Variants in SCAI observed in about 807,000 individuals in gnomAD.
SCAI encodes suppressor of cancer cell invasion, also known as protein SCAI.
Under a neutral mutation model 92.2 loss-of-function variants are expected in SCAI, and 24 were observed. That is an observed-to-expected ratio of 0.26 (90% CI 0.19 to 0.37). The LOEUF (loss-of-function observed/expected upper bound fraction) is 0.37. Ranked by LOEUF, SCAI falls within the 10% of genes least tolerant of loss-of-function variation. The pLI is 1.00. For synonymous variants in SCAI, 261 were observed against 258.6 expected, an observed-to-expected ratio of 1.01 and a Z score of -0.09; for missense variants, 450 against 736.2, an observed-to-expected ratio of 0.61 and a Z score of 4.50.
chr9:125,033,079 T>G (rs925239749), intron 3 of SCAI, among the ~76,000 whole-genome samples: 5 of 145,944 alleles, frequency 3.4e-5, no homozygotes, highest in African/African-American at 1.2e-4. Flanking sequence ...TGACACTGAA[T>G]AAAAGTAATA....
intron 3 of SCAI, among the ~76,000 whole-genome samples, chr9:125,046,198 T>G (rs867679210): frequency 1.2e-4 from 12 of 103,538 alleles, no homozygotes; most frequent in South Asian, 3.4e-4. Context: ...AATTGTGAGA[T>G]ATATATATAT....
intron 14 of SCAI, among the ~76,000 whole-genome samples, chr9:124,976,563 A>G (rs1831759604): frequency 6.6e-6 from 1 of 152,116 alleles, no homozygotes; most frequent in South Asian, 2.1e-4. Flanking sequence ...CAGCTCCAAA[A>G]CCTGATTCCT....
chr9:124,992,421 T>C (rs977038569), intron 14 of SCAI, among the ~76,000 whole-genome samples: 1 of 151,792 alleles, frequency 6.6e-6, no homozygotes, highest in African/African-American at 2.4e-5. Context: ...TCTCACTCTG[T>C]CACCCAGGCT....
chr9:125,134,480 T>A (rs1228346765), intron 2 of SCAI, among the ~76,000 whole-genome samples: 1 of 152,176 alleles, frequency 6.6e-6, no homozygotes, highest in African/African-American at 2.4e-5. Flanking sequence ...GCTTTAAATA[T>A]GTAACAACAA....
At chr9:124,968,774 T>C (rs1328958893) in intron 17 of SCAI, 37 of 937,240 alleles carry the variant, frequency 3.9e-5, no homozygotes, top group Non-Finnish European at 5.0e-5. Context: ...CATGGTGGGG[T>C]GCGCAGGCCA....
At chr9:125,102,864 C>T (rs1834706509) in intron 2 of SCAI, among the ~76,000 whole-genome samples, 1 of 152,128 alleles carries the variant, frequency 6.6e-6, no homozygotes, top group Non-Finnish European at 1.5e-5. Context: ...TCCCAAAGTG[C>T]TGGGATTACA....
chr9:124,972,244 A>T (rs564352513), intron 15 of SCAI, among the ~76,000 whole-genome samples: 1 of 152,212 alleles, frequency 6.6e-6, no homozygotes, highest in East Asian at 1.9e-4. Context: ...TCTCTTAAAT[A>T]TGAGTAGTTT....
At chr9:125,109,791 A>C (rs1362008675) in intron 2 of SCAI, among the ~76,000 whole-genome samples, 1 of 152,148 alleles carries the variant, frequency 6.6e-6, no homozygotes, top group Non-Finnish European at 1.5e-5. Context: ...GGTTCAAGCA[A>C]TTCTCTTGCC....
At chr9:125,087,744 CAA>C (rs747008848) in intron 2 of SCAI, among the ~76,000 whole-genome samples, 13 of 152,142 alleles carry the variant, frequency 8.5e-5, no homozygotes, top group Admixed American at 2.6e-4. Flanking sequence ...TGGAAGAAAA[CAA>C]GAGAGAAGAG....
intron 14 of SCAI, among the ~76,000 whole-genome samples, chr9:124,982,292 T>G (rs1831901080): frequency 6.6e-6 from 1 of 152,158 alleles, no homozygotes; most frequent in African/African-American, 2.4e-5. Context: ...CATACAAGTA[T>G]TTTGTGGCCT....
chr9:125,130,937 T>C (rs894056872), intron 2 of SCAI, among the ~76,000 whole-genome samples: 4 of 69,138 alleles, frequency 5.8e-5, no homozygotes, highest in South Asian at 5.2e-4. Flanking sequence ...TTTGAACCGC[T>C]TTTTTTTTTT....
chr9:125,103,832 A>T (rs1313605560), intron 2 of SCAI, among the ~76,000 whole-genome samples: 2 of 152,224 alleles, frequency 1.3e-5, no homozygotes, highest in African/African-American at 4.8e-5. Context: ...ATTAAAAGAG[A>T]AACATTTTTT....
At chr9:124,980,311 T>G (rs1831858050) in intron 14 of SCAI, among the ~76,000 whole-genome samples, 1 of 100,580 alleles carries the variant, frequency 9.9e-6, no homozygotes, top group South Asian at 2.7e-4. Context: ...CTCTCCTGAC[T>G]TTTTTTTTTT....
chr9:124,993,548 C>T (rs1832178306), intron 14 of SCAI, among the ~76,000 whole-genome samples: 1 of 152,128 alleles, frequency 6.6e-6, no homozygotes. Flanking sequence ...TGAGATCATG[C>T]CATTGCACTC....
chr9:125,048,066 C>A (rs535419309), intron 3 of SCAI, among the ~76,000 whole-genome samples: 1 of 152,166 alleles, frequency 6.6e-6, no homozygotes, highest in Admixed American at 6.6e-5. Context: ...GCAACCTCTG[C>A]TGCTCAGGTT....
intron 2 of SCAI, among the ~76,000 whole-genome samples, chr9:125,071,368 A>G (rs984471527): frequency 2.6e-5 from 4 of 152,206 alleles, no homozygotes; most frequent in African/African-American, 9.7e-5. Context: ...ACTGCACTAC[A>G]GCCTGGGTGA....
At chr9:125,066,154 A>G in intron 2 of SCAI, 1 of 601,814 alleles carries the variant, frequency 1.7e-6, no homozygotes, top group South Asian at 2.3e-5. Context: ...AAGAATCTAT[A>G]TGTAATTATC....
intron 17 of SCAI, among the ~76,000 whole-genome samples, chr9:124,967,662 TAC>T (rs59150863): frequency 6.0e-5 from 9 of 150,478 alleles, no homozygotes; most frequent in East Asian, 1.9e-4. Context: ...AATAAAAAAA[TAC>T]ACACACACAC....
At chr9:125,139,667 A>G (rs1344409951) in intron 2 of SCAI, among the ~76,000 whole-genome samples, 1 of 152,226 alleles carries the variant, frequency 6.6e-6, no homozygotes, top group African/African-American at 2.4e-5. Flanking sequence ...TTTTTATATG[A>G]TTAGGCTAAA....
Sources: allele counts gnomAD v4.1 joint callset (sites outside exome capture counted in the v4.1 genomes callset), GRCh38; gene constraint gnomAD v4.1.1; transcripts MANE v1.5; gene names NCBI Gene and HGNC (gene_info 2026-07-23, HGNC 2026-07-21).